Variants in DACH1 observed in about 807,000 individuals in gnomAD.
DACH1 encodes dachshund family transcription factor 1, also known as dachshund homolog 1.
In DACH1, 12 loss-of-function variants were observed where a neutral mutation model predicts 54.2. The observed-to-expected ratio is 0.22, with a 90% CI of 0.14 to 0.36. The LOEUF (loss-of-function observed/expected upper bound fraction) is 0.36. DACH1 is among the 10% of genes least tolerant of loss of function. The pLI, the probability that DACH1 is intolerant of heterozygous loss-of-function variation, is 1.00. For missense variants in DACH1, 805 were observed against 929.8 expected, an observed-to-expected ratio of 0.87 and a Z score of 1.75; for synonymous variants, 386 against 366.2, an observed-to-expected ratio of 1.05 and a Z score of -0.62.
Position 71,866,352 on chromosome 13 carries a change from T to G in DACH1, c.418A>C (p.Ser140Arg). Residue 140 changes from serine to arginine, a missense_variant, in exon 1 of 11, where the codon AGC (serine) becomes CGC (arginine). Coordinates refer to ENST00000613252, the MANE Select transcript of DACH1 (RefSeq NM_080759.6). ...CTGCTGCTACTGCTGCTGCTGCTGC[T>G]GCCGGTGCTGGCGTTGATGGGGGTG... ...SSTPINASTGSSSSSSSSSSS... is the reference protein window; with the variant it reads ...SSTPINASTGRSSSSSSSSSS... The G allele has an allele frequency of 6.6e-7, 1 of 1,523,870 alleles. No homozygotes were observed. The allele number at this position is 1,523,870 out of a possible 1,614,324, so 94.4% of individuals were successfully genotyped here. A position where few individuals can be genotyped will look rare whatever the true frequency, so the allele number is the denominator to read the frequency against.
intron 1 of DACH1, among the ~76,000 whole-genome samples, chr13:71,769,423 A>G (rs975762808): frequency 3.3e-5 from 5 of 151,746 alleles, no homozygotes; most frequent in African/African-American, 1.2e-4. Flanking sequence ...CACCTGTGGA[A>G]CTTCATTAAA....
chr13:71,664,399 T>C (rs1879696239), intron 2 of DACH1, among the ~76,000 whole-genome samples: 1 of 152,010 alleles, frequency 6.6e-6, no homozygotes. Flanking sequence ...GCAGAATAAC[T>C]AAATACATGT....
At chr13:71,489,515 G>C (rs934629639) in intron 6 of DACH1, among the ~76,000 whole-genome samples, 9 of 152,054 alleles carry the variant, frequency 5.9e-5, no homozygotes, top group Non-Finnish European at 1.3e-4. Flanking sequence ...TGACAATAGA[G>C]TATTTCTAGA....
intron 7 of DACH1, 25 bp from the exon 8 acceptor site, chr13:71,479,341 G>A: frequency 1.3e-6 from 2 of 1,592,372 alleles, no homozygotes; most frequent in Non-Finnish European, 1.7e-6. Context: ...TATTCGGAAT[G>A]GTAATATTTT....
At chr13:71,624,659 A>C (rs1286433503) in intron 3 of DACH1, among the ~76,000 whole-genome samples, 1 of 151,978 alleles carries the variant, frequency 6.6e-6, no homozygotes, top group African/African-American at 2.4e-5. Flanking sequence ...AAACAATAGC[A>C]AATTTCTTGT....
intron 3 of DACH1, among the ~76,000 whole-genome samples, chr13:71,606,992 C>T (rs1001393171): frequency 4.0e-5 from 6 of 151,848 alleles, no homozygotes; most frequent in Non-Finnish European, 8.8e-5. Context: ...AAATTTTGTT[C>T]CAACAACACT....
intron 7 of DACH1, among the ~76,000 whole-genome samples, chr13:71,481,018 A>T (rs151175339): frequency 5.8e-4 from 89 of 152,296 alleles, no homozygotes; most frequent in Non-Finnish European, 1.1e-3. Flanking sequence ...ATTCAACAAC[A>T]TTCCTGTGTA....
intron 1 of DACH1, among the ~76,000 whole-genome samples, chr13:71,845,564 A>G (rs893475858): frequency 5.9e-5 from 9 of 152,216 alleles, no homozygotes; most frequent in Admixed American, 4.6e-4. Flanking sequence ...CCATAGTTAC[A>G]TATCAGTTTA....
rs1361396242 is a variant in DACH1 at position 71,439,165 on chromosome 13, T to C, written c.*1490A>G. The stretch of plus-strand genomic sequence containing the variant: ...GATTTTGCTGTTTTGTGGTAATAAA[T>C]AATGTTACGATCATACAATTTTAAG... On this transcript the variant is annotated 3_prime_UTR_variant, in exon 11 of 11. Transcript: ENST00000613252. The C allele has an allele frequency of 6.6e-6, 1 of 152,470 alleles. No individual in the cohort carries two copies. The highest frequency in any genetic ancestry group is 1.9e-4 in the East Asian group (1 of 5,198). 9.4% of individuals were successfully genotyped at this position (152,470 alleles called of 1,614,324 possible).
chr13:71,558,279 T>C (rs1046718419), intron 5 of DACH1, among the ~76,000 whole-genome samples: 1 of 152,014 alleles, frequency 6.6e-6, no homozygotes, highest in Non-Finnish European at 1.5e-5. Flanking sequence ...ATTTGCATTA[T>C]ATTTGAAAAT....
At chr13:71,717,864 G>C (rs1883049166) in intron 1 of DACH1, among the ~76,000 whole-genome samples, 1 of 151,204 alleles carries the variant, frequency 6.6e-6, no homozygotes, top group Non-Finnish European at 1.5e-5. Context: ...AACCAATATG[G>C]AATTAGTAGT....
At chr13:71,792,943 C>G (rs1412131511) in intron 1 of DACH1, among the ~76,000 whole-genome samples, 1 of 152,112 alleles carries the variant, frequency 6.6e-6, no homozygotes, top group Non-Finnish European at 1.5e-5. Flanking sequence ...ATGAGAGCTG[C>G]AAAATACTAT....
At chr13:71,744,146 A>G (rs929605002) in intron 1 of DACH1, among the ~76,000 whole-genome samples, 2 of 152,192 alleles carry the variant, frequency 1.3e-5, no homozygotes, top group Admixed American at 6.5e-5. Context: ...TAAATAGTAG[A>G]AAAAGCAACA....
At chr13:71,735,172 T>A (rs868588156) in intron 1 of DACH1, among the ~76,000 whole-genome samples, 31 of 142,474 alleles carry the variant, frequency 2.2e-4, no homozygotes, top group African/African-American at 7.6e-4. Flanking sequence ...TATGGGATAC[T>A]CGTATATGGG....
rs955558506 is a variant in DACH1, at chr13:71,551,510, C to T, written c.1570+5514G>A. Among the ~76,000 whole-genome samples, 4 of 152,076 alleles carry T rather than the reference C, an allele frequency of 2.6e-5. No individual in the cohort carries two copies. In the East Asian group the frequency reaches 5.8e-4, roughly 22 times the overall value. The stretch of plus-strand genomic sequence containing the variant: ...GCAATCTAACTACCTTCATGAGATA[C>T]GCTTTTGTAGTTCCCATGTATGTGA... On this transcript the variant is annotated intron_variant, in intron 6 of 10. Transcript: ENST00000613252.
chr13:71,464,836 A>C (rs1876422892), intron 10 of DACH1: 1 of 388,458 alleles, frequency 2.6e-6, no homozygotes, highest in Non-Finnish European at 5.0e-6. Flanking sequence ...GTTTAGTATC[A>C]AGAGAAATTT....
At chr13:71,665,580 C>T (rs1458540986) in intron 2 of DACH1, among the ~76,000 whole-genome samples, 4 of 152,096 alleles carry the variant, frequency 2.6e-5, no homozygotes, top group East Asian at 3.9e-4. Flanking sequence ...AATAATTTAA[C>T]TTACATGTCC....
chr13:71,509,206 T>C (rs749148516), intron 6 of DACH1, among the ~76,000 whole-genome samples: 14 of 152,144 alleles, frequency 9.2e-5, no homozygotes, highest in Non-Finnish European at 1.5e-4. Flanking sequence ...ACTTTCAGCA[T>C]GATTTTGAAA....
chr13:71,726,726 A>T (rs777991946), intron 1 of DACH1, among the ~76,000 whole-genome samples: 4 of 152,040 alleles, frequency 2.6e-5, no homozygotes, highest in Non-Finnish European at 5.9e-5. Context: ...GGCAATTTTG[A>T]AAAAGAAAAC....
Sources: gnomAD v4.1 joint callset for allele counts (sites outside exome capture counted in the v4.1 genomes callset) on GRCh38, gnomAD v4.1.1 for gene constraint, MANE v1.5 for transcripts, NCBI Gene and HGNC (gene_info 2026-07-23, HGNC 2026-07-21) for gene names.